The following DLAT variants were observed in gnomAD, a reference collection of about 807,000 sequenced individuals.
DLAT encodes the protein dihydrolipoyllysine-residue acetyltransferase component of pyruvate dehydrogenase complex, mitochondrial.
In DLAT, 43 loss-of-function variants were observed where a neutral mutation model predicts 68.0. The ratio of observed to expected loss-of-function variants is 0.63; its 90% CI spans 0.50 to 0.81. The LOEUF (loss-of-function observed/expected upper bound fraction) is 0.81, where lower values mean the gene tolerates loss of function less well. DLAT is among the 40% of genes least tolerant of loss of function. DLAT has a pLI of 0.00. For synonymous variants in DLAT, 265 were observed against 288.6 expected, an observed-to-expected ratio of 0.92 and a Z score of 0.83; for missense variants, 745 against 815.4, an observed-to-expected ratio of 0.91 and a Z score of 1.05.
Position 112,064,039 on chromosome 11 carries a change from T to C in DLAT, c.*1504T>C. On this transcript the variant is annotated 3_prime_UTR_variant, in exon 14 of 14. Transcript: ENST00000280346. ...TTCCACACAGACTTTTACCTTGCTGTATTATTATGAAAACAATACATTAAT... is the reference window on the plus strand; with the variant it reads ...TTCCACACAGACTTTTACCTTGCTGCATTATTATGAAAACAATACATTAAT... 1 of 771,804 alleles carries C rather than the reference T, an allele frequency of 1.3e-6. No homozygotes were observed. Among genetic ancestry groups the C allele is most frequent in the Non-Finnish European group, 2.0e-6 (1 of 500,632 alleles). 47.8% of individuals were successfully genotyped at this position (771,804 alleles called of 1,614,324 possible). A position where few individuals can be genotyped will look rare whatever the true frequency, so the allele number is the denominator to read the frequency against.
At chr11:112,027,727 G>C (rs1028387528) in intron 2 of DLAT, among the ~76,000 whole-genome samples, 2 of 152,070 alleles carry the variant, frequency 1.3e-5, no homozygotes, top group African/African-American at 2.4e-5. Context: ...GCGAAACCCC[G>C]TCTCCACCAA....
Position 112,063,123 on chromosome 11 carries a change from C to T in DLAT, c.*588C>T, listed in dbSNP as rs991978275. On this transcript the variant is annotated 3_prime_UTR_variant, in exon 14 of 14. Transcript: ENST00000280346. ...AAGTCAGCATTTTCTTAGACCTCTT[C>T]AGCTGATTGTTTATTTTTCTATGAA... The T allele has an allele frequency of 6.5e-6, 1 of 153,222 alleles. No individual in the cohort carries two copies. The highest frequency in any genetic ancestry group is 1.5e-5 in the Non-Finnish European group (1 of 68,780). 9.5% of individuals were successfully genotyped at this position (153,222 alleles called of 1,614,324 possible).
At chr11:112,059,865 AAC>A (rs1466833836) in intron 11 of DLAT, 36 bp from the exon 12 acceptor site, 7 of 1,513,330 alleles carry the variant, frequency 4.6e-6, no homozygotes, top group South Asian at 1.3e-5. Context: ...GCTCTTAATA[AAC>A]AGTTTTTTAT....
intron 11 of DLAT, among the ~76,000 whole-genome samples, chr11:112,055,550 T>A (rs1863974469): frequency 6.6e-6 from 1 of 151,960 alleles, no homozygotes; most frequent in Non-Finnish European, 1.5e-5. Context: ...GGCCAAGGCC[T>A]ATATTCAACT....
intron 7 of DLAT, among the ~76,000 whole-genome samples, chr11:112,043,134 A>G (rs1427862990): frequency 2.0e-5 from 3 of 152,230 alleles, no homozygotes; most frequent in African/African-American, 4.8e-5. Context: ...CTTATGCCAC[A>G]TTTCCCAATT....
At chr11:112,033,329 CA>C (rs1862516364) in intron 4 of DLAT, 74 bp from the exon 5 acceptor site, 1 of 1,561,512 alleles carries the variant, frequency 6.4e-7, no homozygotes, top group Non-Finnish European at 8.8e-7. Context: ...TCTATGAAAC[CA>C]CATAAGTCTG....
Position 112,045,618 on chromosome 11 carries a change from A to G in DLAT, c.1291-245A>G, listed in dbSNP as rs646469. ...CAGGAGAATTGCTTGAACTTGGGAA[A>G]TGGAGGTTGTGGTGAGCCGAGATCG... On this transcript the variant is annotated intron_variant, in intron 9 of 13. Transcript: ENST00000280346. Among the ~76,000 whole-genome samples, 76,135 of 151,410 alleles carry G rather than the reference A, an allele frequency of 0.5. 21,470 individuals carry two copies. The highest frequency in any genetic ancestry group is 0.78 in the African/African-American group (32,062 of 41,264).
chr11:112,043,599 C>A, intron 8 of DLAT, 66 bp downstream of exon 8: 4 of 1,313,490 alleles, frequency 3.0e-6, no homozygotes, highest in South Asian at 1.2e-5. Flanking sequence ...CCATTTCATA[C>A]ATTATTTATG....
At chr11:112,059,045 A>G (rs1224931437) in intron 11 of DLAT, among the ~76,000 whole-genome samples, 2 of 151,032 alleles carry the variant, frequency 1.3e-5, no homozygotes, top group Non-Finnish European at 2.9e-5. Context: ...AAGATCTGAT[A>G]TTGTGTAAAA....
intron 4 of DLAT, among the ~76,000 whole-genome samples, chr11:112,030,963 A>G (rs1327191658): frequency 6.6e-6 from 1 of 152,184 alleles, no homozygotes; most frequent in African/African-American, 2.4e-5. Flanking sequence ...AGACTGACTT[A>G]ATTTTCCTCT....
At chr11:112,045,054 C>T in intron 8 of DLAT, 84 bp from the exon 9 acceptor site, 2 of 781,506 alleles carry the variant, frequency 2.6e-6, no homozygotes, top group Non-Finnish European at 4.1e-6. Context: ...AAAAAAAAAA[C>T]TGCATAGTCA....
In DLAT at chr11:112,063,906, T is replaced by C. The variant is rs1033269656; in HGVS notation, c.*1371T>C. On this transcript the variant is annotated 3_prime_UTR_variant, in exon 14 of 14. Coordinates refer to ENST00000280346, the MANE Select transcript of DLAT (RefSeq NM_001931.5). ...AATGAATCTGACCAGTGCTTCCTGGTATATGTAATATGTGGAGTTAGCCCC... is the reference window on the plus strand; with the variant it reads ...AATGAATCTGACCAGTGCTTCCTGGCATATGTAATATGTGGAGTTAGCCCC... The C allele has an allele frequency of 3.2e-5, 11 of 340,648 alleles. No individual in the cohort carries two copies. The highest frequency in any genetic ancestry group is 5.3e-5 in the Non-Finnish European group (10 of 189,742). The allele number at this position is 340,648 out of a possible 1,614,324, so 21.1% of individuals were successfully genotyped here. A position where few individuals can be genotyped will look rare whatever the true frequency, so the allele number is the denominator to read the frequency against.
In DLAT at chr11:112,045,087, T is replaced by TA. The variant is rs782436409; in HGVS notation, c.1198-50dup. On this transcript the variant is annotated intron_variant, in intron 8 of 13. Transcript: ENST00000280346. ...TCACTGGCAGTCTTTCCCAGGTACT[T>TA]ACGCTAAGATTGAATCACAGTTACT... is the stretch of plus-strand genomic sequence containing the variant. 1.8e-5 allele frequency: 26 copies of TA among 1,424,278 alleles called. No individual in the cohort carries two copies. In the African/African-American group the frequency reaches 2.1e-4, roughly 12 times the overall value. The allele number at this position is 1,424,278 out of a possible 1,614,324, so 88.2% of individuals were successfully genotyped here.
chr11:112,033,699 A>T (rs939839529), intron 5 of DLAT, among the ~76,000 whole-genome samples, 169 bp downstream of exon 5: 1 of 152,102 alleles, frequency 6.6e-6, no homozygotes, highest in Non-Finnish European at 1.5e-5. Flanking sequence ...TGTATTCTTT[A>T]GTTTTTATTT....
intron 5 of DLAT, among the ~76,000 whole-genome samples, chr11:112,033,743 G>A (rs1862544269): frequency 6.6e-6 from 1 of 151,984 alleles, no homozygotes; most frequent in African/African-American, 2.4e-5. Context: ...TTTCAGACAG[G>A]GTCTTAATCT....
At chr11:112,031,015 C>A (rs1862364027) in intron 4 of DLAT, among the ~76,000 whole-genome samples, 1 of 152,120 alleles carries the variant, frequency 6.6e-6, no homozygotes, top group Non-Finnish European at 1.5e-5. Context: ...TAGGGTTTTA[C>A]CTTAATTATT....
Position 112,062,521 on chromosome 11 carries a change from A to G in DLAT, c.1930A>G (p.Thr644Ala). Residue 644 changes from threonine to alanine, a missense_variant, in exon 14 of 14, where the codon ACT becomes GCT. Thr to Ala is a moderately conservative substitution (Grantham distance 58, BLOSUM62 0). Transcript: ENST00000280346. ...TAGAAAGTACCTTGAAAAACCTATC[A>G]CTATGTTGTTGTAACTAACTCAAGA... ...EFRKYLEKPI[T>A]MLL The G allele has an allele frequency of 6.2e-7, 1 of 1,612,446 alleles. No homozygotes were observed. The highest frequency in any genetic ancestry group is 8.5e-7 in the Non-Finnish European group (1 of 1,179,978).
chr11:112,046,197 A>G (rs1863305230), intron 10 of DLAT, among the ~76,000 whole-genome samples: 1 of 152,140 alleles, frequency 6.6e-6, no homozygotes, highest in Non-Finnish European at 1.5e-5. Context: ...TACCTAGTCT[A>G]AGGTCATGAA....
chr11:112,030,379 G>A (rs1012841265), intron 4 of DLAT: 12 of 390,302 alleles, frequency 3.1e-5, no homozygotes, highest in East Asian at 6.2e-5. Flanking sequence ...GCTCTGACCC[G>A]GAAACGGAAG....
Sources: gnomAD v4.1 joint callset for allele counts (sites outside exome capture counted in the v4.1 genomes callset) on GRCh38, gnomAD v4.1.1 for gene constraint, MANE v1.5 for transcripts, NCBI Gene and HGNC (gene_info 2026-07-23, HGNC 2026-07-21) for gene names.